Variants in BCL2 observed in about 807,000 individuals in gnomAD.
BCL2 encodes the protein BCL2 apoptosis regulator, also known as apoptosis regulator Bcl-2.
A neutral mutation model predicts 14.2 loss-of-function variants in BCL2; 1 was observed. The observed-to-expected ratio is 0.07, with a 90% CI of 0.02 to 0.33. The LOEUF is 0.33. Among genes scored for constraint, BCL2 ranks in the 10% least tolerant of loss-of-function variants. The pLI is 0.99. For synonymous variants in BCL2, 151 were observed against 137.2 expected, an observed-to-expected ratio of 1.10 and a Z score of -0.70; for missense variants, 247 against 305.9, an observed-to-expected ratio of 0.81 and a Z score of 1.44.
At chr18:63,308,876 G>T (rs1197821248) in intron 2 of BCL2, among the ~76,000 whole-genome samples, 2 of 152,132 alleles carry the variant, frequency 1.3e-5, no homozygotes, top group Admixed American at 6.5e-5. Flanking sequence ...TCAATAAACA[G>T]TCATTGTGTG....
intron 2 of BCL2, among the ~76,000 whole-genome samples, chr18:63,292,544 G>A (rs1273762801): frequency 6.6e-6 from 1 of 152,212 alleles, no homozygotes; most frequent in Non-Finnish European, 1.5e-5. Flanking sequence ...AATAGAAAGG[G>A]GGGGCTTGCG....
At chr18:63,184,749 T>C (rs1915552528) in intron 2 of BCL2, among the ~76,000 whole-genome samples, 2 of 152,228 alleles carry the variant, frequency 1.3e-5, no homozygotes, top group Non-Finnish European at 2.9e-5. Context: ...ATTCAGCAAG[T>C]AATGCCATCC....
intron 2 of BCL2, among the ~76,000 whole-genome samples, chr18:63,167,229 C>T (rs1915067012): frequency 4.6e-5 from 7 of 152,142 alleles, no homozygotes; most frequent in Admixed American, 4.6e-4. Context: ...TATCTACCTC[C>T]CTTTCTCTTT....
intron 2 of BCL2, among the ~76,000 whole-genome samples, chr18:63,145,319 T>G (rs1184946372): frequency 6.6e-6 from 1 of 152,120 alleles, no homozygotes; most frequent in African/African-American, 2.4e-5. Flanking sequence ...GGACAGAGCA[T>G]AAGCCCTCAA....
intron 2 of BCL2, among the ~76,000 whole-genome samples, chr18:63,237,423 C>T (rs1910872028): frequency 6.6e-6 from 1 of 152,226 alleles, no homozygotes; most frequent in Admixed American, 6.5e-5. Context: ...AAATGCGATA[C>T]AAGATCGCAT....
intron 2 of BCL2, among the ~76,000 whole-genome samples, chr18:63,282,043 C>A (rs1379746530): frequency 1.3e-5 from 2 of 152,230 alleles, no homozygotes; most frequent in South Asian, 4.1e-4. Context: ...ATAGTAGGAG[C>A]TAATACTATC....
intron 2 of BCL2, among the ~76,000 whole-genome samples, chr18:63,165,076 A>G (rs1358432215): frequency 6.9e-6 from 1 of 144,656 alleles, no homozygotes; most frequent in African/African-American, 2.9e-5. Context: ...TATAATAATA[A>G]ATAAATAAAT....
intron 2 of BCL2, among the ~76,000 whole-genome samples, chr18:63,271,277 T>C (rs960659719): frequency 2.0e-5 from 3 of 152,132 alleles, no homozygotes; most frequent in African/African-American, 7.2e-5. Flanking sequence ...AAATTAAACC[T>C]AACAGTTTGG....
At chr18:63,250,436 C>CA in intron 2 of BCL2, among the ~76,000 whole-genome samples, 1 of 152,300 alleles carries the variant, frequency 6.6e-6, no homozygotes, top group East Asian at 1.9e-4. Flanking sequence ...CTTCTCCTGT[C>CA]AAGTCATTTT....
At chr18:63,290,118 A>G in intron 2 of BCL2, among the ~76,000 whole-genome samples, 1 of 152,140 alleles carries the variant, frequency 6.6e-6, no homozygotes, top group East Asian at 1.9e-4. Flanking sequence ...AGCCTGGGTG[A>G]TCGGAATAGT....
intron 2 of BCL2, among the ~76,000 whole-genome samples, chr18:63,182,837 CT>C (rs1435091754): frequency 6.7e-5 from 10 of 149,212 alleles, no homozygotes; most frequent in Non-Finnish European, 1.5e-5. Flanking sequence ...ATGTCCCTAC[CT>C]GGGGTATTTG....
At chr18:63,259,490 T>C (rs1911591483) in intron 2 of BCL2, among the ~76,000 whole-genome samples, 1 of 152,258 alleles carries the variant, frequency 6.6e-6, no homozygotes, top group Admixed American at 6.5e-5. Flanking sequence ...AGCTATCATA[T>C]GGATGAACAC....
At chr18:63,131,386 G>T (rs780638900) in intron 2 of BCL2, among the ~76,000 whole-genome samples, 1 of 152,170 alleles carries the variant, frequency 6.6e-6, no homozygotes. Context: ...GGCAATAGAC[G>T]TACATAAAAT....
At chr18:63,313,505 G>A (rs953767782) in intron 2 of BCL2, among the ~76,000 whole-genome samples, 2 of 152,170 alleles carry the variant, frequency 1.3e-5, no homozygotes, top group Admixed American at 1.3e-4. Context: ...TAAAAAGGTT[G>A]AACAGAACCT....
At chr18:63,134,991 G>T (rs1032815444) in intron 2 of BCL2, among the ~76,000 whole-genome samples, 2 of 152,194 alleles carry the variant, frequency 1.3e-5, no homozygotes, top group African/African-American at 4.8e-5. Flanking sequence ...GAAAACTCTG[G>T]GCTGGAAGGA....
chr18:63,220,175 G>A (rs1197296429), intron 2 of BCL2, among the ~76,000 whole-genome samples: 1 of 152,174 alleles, frequency 6.6e-6, no homozygotes, highest in Non-Finnish European at 1.5e-5. Flanking sequence ...GAAAACTTTT[G>A]TAAGGGATGA....
At chr18:63,150,532 G>T in intron 2 of BCL2, among the ~76,000 whole-genome samples, 2 of 148,478 alleles carry the variant, frequency 1.3e-5, no homozygotes, top group South Asian at 4.5e-4. Context: ...CTTTCTCTCC[G>T]CATTTTCTTG....
chr18:63,259,557 C>T (rs1283158839), intron 2 of BCL2, among the ~76,000 whole-genome samples: 1 of 152,266 alleles, frequency 6.6e-6, no homozygotes, highest in Non-Finnish European at 1.5e-5. Context: ...TGATGGCAGT[C>T]ATTGCCCAAG....
chr18:63,301,786 C>A (rs989881547), intron 2 of BCL2, among the ~76,000 whole-genome samples: 6 of 152,150 alleles, frequency 3.9e-5, no homozygotes, highest in African/African-American at 1.2e-4. Context: ...AACCAGTGCG[C>A]CTGTCCACGG....
Sources: allele counts gnomAD v4.1 joint callset (sites outside exome capture counted in the v4.1 genomes callset), GRCh38; gene constraint gnomAD v4.1.1; transcripts MANE v1.5; gene names NCBI Gene and HGNC (gene_info 2026-07-23, HGNC 2026-07-21).